Variants in WFDC1 observed in about 807,000 individuals in gnomAD.
WFDC1 encodes the protein WAP four-disulfide core domain protein 1.
In WFDC1, 39 loss-of-function variants were observed where a neutral mutation model predicts 32.9. The ratio of observed to expected loss-of-function variants is 1.19; its 90% CI spans 0.92 to 1.55. The LOEUF is 1.55. Ranked by LOEUF, WFDC1 falls within the 40% of genes most tolerant of loss-of-function variation. The pLI is 0.00. For synonymous variants in WFDC1, 184 were observed against 137.4 expected (o/e 1.34, Z -2.37); for missense variants, 386 against 309.5 (o/e 1.25, Z -1.85).
intron 2 of WFDC1, among the ~76,000 whole-genome samples, chr16:84,315,729 C>T (rs1276135122): frequency 6.6e-6 from 1 of 152,214 alleles, no homozygotes; most frequent in African/African-American, 2.4e-5. Flanking sequence ...TGTCTCTAAT[C>T]TTTCCTAAAT....
chr16:84,303,752 G>A (rs145562678), intron 1 of WFDC1, among the ~76,000 whole-genome samples: 6 of 152,272 alleles, frequency 3.9e-5, no homozygotes, highest in South Asian at 2.1e-4. Context: ...TCATGCAACC[G>A]TCCTAACTGC....
intron 4 of WFDC1, among the ~76,000 whole-genome samples, chr16:84,324,197 T>A (rs1015204429): frequency 2.6e-5 from 4 of 152,104 alleles, no homozygotes; most frequent in Non-Finnish European, 5.9e-5. Context: ...GTTAAGGAGA[T>A]CTCACAGGGC....
rs913071163 is a variant in WFDC1 at position 84,324,282 on chromosome 16, A to C, written c.563-137A>C. The C allele has an allele frequency of 6.9e-6, 5 of 720,190 alleles. No homozygotes were observed. The African/African-American group carries it at 8.9e-5, about 13-fold the overall frequency. The allele number at this position is 720,190 out of a possible 1,614,324, so 44.6% of individuals were successfully genotyped here. On this transcript the variant is annotated intron_variant, in intron 4 of 6. Transcript: ENST00000219454. ...GCTGAGACATTACAAATGCTCATGT[A>C]GCCTCTGAACAATTCCATTGTACAC...
Position 84,313,124 on chromosome 16 carries a change from C to G in WFDC1, c.308C>G (p.Ala103Gly). ...RRCCYNGCAY[A>G]CLEAVPPPPV... ...TGCTGCTACAACGGATGCGCCTACG[C>G]CTGCCTAGAAGCTGTGCCGCCCCCG... is the stretch of plus-strand genomic sequence containing the variant. Residue 103 changes from alanine to glycine, a missense_variant, in exon 2 of 7, where the codon GCC (alanine) becomes GGC (glycine). By Grantham distance (60) the Ala-to-Gly change is moderately conservative (BLOSUM62 0). Coordinates refer to ENST00000219454, the MANE Select transcript of WFDC1 (RefSeq NM_021197.4). 2 of 1,446,024 alleles carry G rather than the reference C, an allele frequency of 1.4e-6. No individual in the cohort carries two copies. The highest frequency in any genetic ancestry group is 3.0e-5 in the East Asian group (1 of 33,054). 89.6% of individuals were successfully genotyped at this position (1,446,024 alleles called of 1,614,324 possible).
Position 84,295,026 on chromosome 16 carries a change from C to T in WFDC1, c.55C>T (p.Leu19=). The T allele has an allele frequency of 3.7e-6, 6 of 1,614,232 alleles. No homozygotes were observed. The highest frequency in any genetic ancestry group is 5.1e-6 in the Non-Finnish European group (6 of 1,180,040). Residue 19 remains leucine (L), a synonymous_variant, in exon 1 of 7, where the codon CTG becomes TTG. Transcript: ENST00000219454. ...CTGCAGGAGGCAGATCATCCGGGCT[C>T]TGTGCCTCTTGCTACTTCTCCTCCA... ...GSCRRQIIRA[L]CLLLLLLHAG...
intron 1 of WFDC1, among the ~76,000 whole-genome samples, chr16:84,300,449 G>A (rs183760903): frequency 9.8e-5 from 15 of 152,344 alleles, no homozygotes; most frequent in Non-Finnish European, 1.6e-4. Context: ...CCCAGCTGGG[G>A]CTTCCTGGGA....
intron 2 of WFDC1, 132 bp from the exon 3 acceptor site, chr16:84,318,140 G>A (rs961581514): frequency 2.5e-6 from 2 of 789,564 alleles, no homozygotes; most frequent in Non-Finnish European, 4.3e-6. Context: ...GTGAAGGTGT[G>A]CCAGGAACCA....
chr16:84,318,431 A>C, intron 3 of WFDC1, 76 bp downstream of exon 3: 1 of 1,458,524 alleles, frequency 6.9e-7, no homozygotes, highest in South Asian at 1.2e-5. Flanking sequence ...GAAAGCTGGC[A>C]GCACCAGGCC....
At chr16:84,301,731 G>C (rs1435991398) in intron 1 of WFDC1, among the ~76,000 whole-genome samples, 1 of 152,176 alleles carries the variant, frequency 6.6e-6, no homozygotes, top group Non-Finnish European at 1.5e-5. Flanking sequence ...CCAGAACCTG[G>C]CATGGAGGGG....
chr16:84,307,096 G>C (rs1366939656), intron 1 of WFDC1, among the ~76,000 whole-genome samples: 3 of 152,158 alleles, frequency 2.0e-5, no homozygotes, highest in African/African-American at 7.2e-5. Flanking sequence ...GGACTGGGTG[G>C]CTGGAGAGAA....
At chr16:84,308,330 G>T (rs1907392094) in intron 1 of WFDC1, among the ~76,000 whole-genome samples, 1 of 152,188 alleles carries the variant, frequency 6.6e-6, no homozygotes, top group African/African-American at 2.4e-5. Flanking sequence ...CAGGGCACTG[G>T]TGACACCGTG....
intron 1 of WFDC1, chr16:84,295,411 C>T (rs569117170): frequency 2.2e-5 from 11 of 494,596 alleles, no homozygotes; most frequent in African/African-American, 3.9e-5. Context: ...GACAGCATCT[C>T]ATTTCGGAAC....
chr16:84,318,134 A>G, intron 2 of WFDC1, 138 bp from the exon 3 acceptor site: 1 of 745,144 alleles, frequency 1.3e-6, no homozygotes, highest in Non-Finnish European at 2.3e-6. Context: ...CAAAGGGTGA[A>G]GGTGTGCCAG....
intron 6 of WFDC1, 112 bp downstream of exon 6, chr16:84,327,067 A>G (rs1234312663): frequency 3.9e-6 from 4 of 1,014,226 alleles, no homozygotes; most frequent in Non-Finnish European, 6.0e-6. Flanking sequence ...CGCTTTCCCT[A>G]CTGGTAGAAT....
At chr16:84,312,123 C>T (rs1475296997) in intron 1 of WFDC1, among the ~76,000 whole-genome samples, 3 of 152,170 alleles carry the variant, frequency 2.0e-5, no homozygotes, top group South Asian at 4.1e-4. Flanking sequence ...TGAGATCGCG[C>T]CACTGCATTC....
intron 1 of WFDC1, among the ~76,000 whole-genome samples, chr16:84,302,636 C>G (rs372608486): frequency 1.4e-4 from 22 of 152,312 alleles, no homozygotes; most frequent in African/African-American, 5.1e-4. Context: ...TCCTTCTTAG[C>G]ATTTAGCTCT....
chr16:84,311,723 G>A, intron 1 of WFDC1, among the ~76,000 whole-genome samples: 1 of 136,614 alleles, frequency 7.3e-6, no homozygotes, highest in African/African-American at 2.7e-5. Flanking sequence ...TTTTAGTGGA[G>A]AAGGGGTTTC....
At chr16:84,302,558 C>G (rs1907004604) in intron 1 of WFDC1, among the ~76,000 whole-genome samples, 1 of 152,108 alleles carries the variant, frequency 6.6e-6, no homozygotes, top group African/African-American at 2.4e-5. Flanking sequence ...ACGCCCATCT[C>G]CTCCGAGGCC....
intron 1 of WFDC1, among the ~76,000 whole-genome samples, chr16:84,308,159 C>T (rs1027069325): frequency 2.6e-5 from 4 of 152,168 alleles, no homozygotes; most frequent in African/African-American, 9.7e-5. Flanking sequence ...GCCGCACCAC[C>T]CCCCGCTCCT....
Sources: allele counts gnomAD v4.1 joint callset (sites outside exome capture counted in the v4.1 genomes callset), GRCh38; gene constraint gnomAD v4.1.1; transcripts MANE v1.5; gene names NCBI Gene and HGNC (gene_info 2026-07-23, HGNC 2026-07-21).